The following CNTNAP2 variants were observed in gnomAD, a reference collection of about 807,000 sequenced individuals.
The protein encoded by CNTNAP2 is contactin associated protein 2.
CNTNAP2 carries 98 observed loss-of-function variants against 155.2 expected under a neutral mutation model. The observed-to-expected ratio is 0.63, with a 90% confidence interval of 0.54 to 0.75. CNTNAP2 has a LOEUF of 0.75. Ranked by LOEUF, CNTNAP2 falls within the 30% of genes least tolerant of loss-of-function variation. The pLI is 0.00. For missense variants in CNTNAP2, 1,727 were observed against 1,688.1 expected (o/e 1.02, Z -0.40); for synonymous variants, 651 against 631.2 (o/e 1.03, Z -0.47).
intron 12 of CNTNAP2, among the ~76,000 whole-genome samples, chr7:147,634,484 G>T (rs1483590183): frequency 6.6e-6 from 1 of 152,042 alleles, no homozygotes; most frequent in Non-Finnish European, 1.5e-5. Context: ...AAAAGACTAC[G>T]TATTGGGTAC....
At chr7:147,582,781 C>T (rs1800529936) in intron 12 of CNTNAP2, among the ~76,000 whole-genome samples, 1 of 152,094 alleles carries the variant, frequency 6.6e-6, no homozygotes, top group Non-Finnish European at 1.5e-5. Context: ...TCTGAACTAA[C>T]CATATCCTAC....
chr7:146,142,047 T>C (rs1200093163), intron 1 of CNTNAP2, among the ~76,000 whole-genome samples: 4 of 152,216 alleles, frequency 2.6e-5, no homozygotes, highest in African/African-American at 7.2e-5. Flanking sequence ...GTTTGCTTTG[T>C]ATTTCCTTGT....
At chr7:147,740,581 T>C (rs572078308) in intron 13 of CNTNAP2, among the ~76,000 whole-genome samples, 1 of 152,324 alleles carries the variant, frequency 6.6e-6, no homozygotes, top group South Asian at 2.1e-4. Context: ...GTTCAGTTAG[T>C]CCAAGGTAGG....
chr7:148,098,582 T>C (rs747364008), intron 15 of CNTNAP2, among the ~76,000 whole-genome samples: 59 of 151,214 alleles, frequency 3.9e-4, no homozygotes, highest in Non-Finnish European at 1.3e-4. Flanking sequence ...GTGTGCATCA[T>C]AGTTCCAGCA....
At chr7:146,642,711 C>A (rs1452737193) in intron 1 of CNTNAP2, among the ~76,000 whole-genome samples, 4 of 152,202 alleles carry the variant, frequency 2.6e-5, no homozygotes, top group East Asian at 1.9e-4. Context: ...ATTTCTAGTT[C>A]TAGATCTCTG....
rs184473250 is a variant in CNTNAP2, at chr7:147,959,661, G to A, written c.2256-18201G>A. 6.3e-4 allele frequency among the ~76,000 whole-genome samples: 96 copies of A among 152,236 alleles called. 1 individual carries two copies. Among genetic ancestry groups the A allele is most frequent in the Admixed American group, 1.7e-3 (26 of 15,284 alleles). On this transcript the variant is annotated intron_variant, in intron 14 of 23. Coordinates refer to ENST00000361727, the MANE Select transcript of CNTNAP2 (RefSeq NM_014141.6). ...GCTTATGCAGACATTTCTAGAAAAG[G>A]GGTAGTAACTTTGGGGTCATCAGGT...
intron 15 of CNTNAP2, among the ~76,000 whole-genome samples, chr7:148,011,835 G>A (rs1366890644): frequency 1.3e-5 from 2 of 152,182 alleles, no homozygotes; most frequent in Non-Finnish European, 2.9e-5. Context: ...CAAGACAGAT[G>A]ACAGACATTT....
At chr7:147,709,005 A>T (rs2117013430) in intron 13 of CNTNAP2, among the ~76,000 whole-genome samples, 1 of 152,274 alleles carries the variant, frequency 6.6e-6, no homozygotes, top group East Asian at 1.9e-4. Flanking sequence ...TTGTAATATG[A>T]TCCAGACACA....
At chr7:147,365,383 GAAAAAAAAAAAAAAA>G (rs10557373) in intron 9 of CNTNAP2, among the ~76,000 whole-genome samples, 1 of 93,638 alleles carries the variant, frequency 1.1e-5, no homozygotes, top group Non-Finnish European at 2.0e-5. Flanking sequence ...ATCTCAAAAA[GAAAAAAAAAAAAAAA>G]AAAAAAAAAA....
At chr7:147,307,590 G>GC (rs5888248) in intron 9 of CNTNAP2, among the ~76,000 whole-genome samples, 40,534 of 151,752 alleles carry the variant, frequency 0.27, 7,821 homozygotes, top group East Asian at 0.7. Flanking sequence ...TACCCCACCT[G>GC]CCCCCCCAAA....
At chr7:146,476,601 C>A (rs2129127659) in intron 1 of CNTNAP2, among the ~76,000 whole-genome samples, 1 of 152,058 alleles carries the variant, frequency 6.6e-6, no homozygotes, top group East Asian at 1.9e-4. Flanking sequence ...TGTTTCCTTT[C>A]CCTAAAATGT....
intron 17 of CNTNAP2, among the ~76,000 whole-genome samples, chr7:148,161,213 C>G (rs1274785061): frequency 6.6e-6 from 1 of 152,170 alleles, no homozygotes; most frequent in African/African-American, 2.4e-5. Context: ...ATGTCGGCAC[C>G]ATAACGCAGG....
At chr7:147,627,770 CAT>C (rs1423006345) in intron 12 of CNTNAP2, among the ~76,000 whole-genome samples, 2 of 145,824 alleles carry the variant, frequency 1.4e-5, no homozygotes, top group Non-Finnish European at 3.0e-5. Flanking sequence ...AAATAGATGT[CAT>C]AAAGAAAAAA....
intron 20 of CNTNAP2, among the ~76,000 whole-genome samples, chr7:148,250,681 C>A (rs1796348809): frequency 6.6e-6 from 1 of 152,206 alleles, no homozygotes; most frequent in South Asian, 2.1e-4. Flanking sequence ...CAGAACACTG[C>A]AGGAAAACAC....
At position 148,366,110 on chromosome 7, in the gene CNTNAP2, A is replaced by G. The variant is rs551195029; in HGVS notation, c.3476-17539A>G. On this transcript the variant is annotated intron_variant, in intron 21 of 23. Coordinates refer to ENST00000361727, the MANE Select transcript of CNTNAP2 (RefSeq NM_014141.6). ...TGTATACATGTATGTGTATGCATGT[A>G]TGCATGTATGTGTATGCATGTATGC... Among the ~76,000 whole-genome samples, 4 of 25,422 alleles carry G rather than the reference A, an allele frequency of 1.6e-4. 2 individuals are homozygous for G. Among genetic ancestry groups the G allele is most frequent in the African/African-American group, 3.5e-4 (4 of 11,304 alleles). The allele number at this position is 25,422 out of a possible 152,430, so 16.7% of individuals were successfully genotyped here.
intron 21 of CNTNAP2, among the ~76,000 whole-genome samples, chr7:148,373,887 G>A (rs775162385): frequency 6.6e-6 from 1 of 152,302 alleles, no homozygotes; most frequent in African/African-American, 2.4e-5. Flanking sequence ...GGGTGGTTGC[G>A]ATCGTATGGT....
intron 13 of CNTNAP2, among the ~76,000 whole-genome samples, chr7:147,646,210 GA>G (rs1795362130): frequency 6.6e-6 from 1 of 152,136 alleles, no homozygotes; most frequent in South Asian, 2.1e-4. Context: ...TATACAGGAG[GA>G]AGAAAATTCA....
intron 1 of CNTNAP2, among the ~76,000 whole-genome samples, chr7:146,579,717 C>T (rs1294913898): frequency 6.6e-6 from 1 of 152,040 alleles, no homozygotes; most frequent in African/African-American, 2.4e-5. Flanking sequence ...TAATTTCCAC[C>T]CCCTCACATG....
chr7:148,295,350 G>C (rs1170543051), intron 21 of CNTNAP2, among the ~76,000 whole-genome samples: 1 of 151,910 alleles, frequency 6.6e-6, no homozygotes, highest in African/African-American at 2.4e-5. Flanking sequence ...TTGAACTAAG[G>C]TTTTCTTCTT....
Sources: allele counts gnomAD v4.1 joint callset (sites outside exome capture counted in the v4.1 genomes callset), GRCh38; gene constraint gnomAD v4.1.1; transcripts MANE v1.5; gene names NCBI Gene and HGNC (gene_info 2026-07-23, HGNC 2026-07-21).